Variants in ANGPT1 observed in about 807,000 individuals in gnomAD.
ANGPT1 encodes the protein angiopoietin-1.
Under a neutral mutation model 62.2 loss-of-function variants are expected in ANGPT1, and 17 were observed. That is an observed-to-expected ratio of 0.27 (90% CI 0.19 to 0.41). The LOEUF (loss-of-function observed/expected upper bound fraction) is 0.41, where lower values mean the gene tolerates loss of function less well. Among genes scored for constraint, ANGPT1 ranks in the 10% least tolerant of loss-of-function variants. The probability of loss-of-function intolerance (pLI) is 1.00; values close to 1 mark genes in which losing one functional copy is unlikely to be tolerated. For synonymous variants in ANGPT1, 199 were observed against 198.9 expected (o/e 1.00, Z 0.00); for missense variants, 478 against 594.9 (o/e 0.80, Z 2.04).
At position 107,251,746 on chromosome 8, in the gene ANGPT1, C is replaced by A. The variant is rs1010313021; in HGVS notation, c.*109G>T. On this transcript the variant is annotated 3_prime_UTR_variant, in exon 9 of 9. Transcript: ENST00000517746. ...GACTTCACATAACTACCACTTATTG[C>A]TGGAAGGGAGACAATATTGTTTGCT... 6 of 1,357,276 alleles carry A rather than the reference C, an allele frequency of 4.4e-6. No individual in the cohort carries two copies. Among genetic ancestry groups the A allele is most frequent in the Non-Finnish European group, 6.1e-6 (6 of 988,912 alleles). The allele number at this position is 1,357,276 out of a possible 1,614,324, so 84.1% of individuals were successfully genotyped here.
rs138944951 is a variant in ANGPT1, at chr8:107,344,252, G to A, written c.453+2690C>T. 1.3e-3 allele frequency among the ~76,000 whole-genome samples: 200 copies of A among 152,246 alleles called. 2 individuals carry two copies. Among genetic ancestry groups the A allele is most frequent in the African/African-American group, 4.5e-3 (187 of 41,550 alleles). ...TTCCCCAAAAACCAAATTTGCCTGA[G>A]AAAGAAGTGAGAAATAGAATGACAC... On this transcript the variant is annotated intron_variant, in intron 2 of 8. Coordinates refer to ENST00000517746, the MANE Select transcript of ANGPT1 (RefSeq NM_001146.5).
intron 1 of ANGPT1, among the ~76,000 whole-genome samples, chr8:107,451,838 C>A (rs1384483587): frequency 2.6e-5 from 4 of 151,862 alleles, no homozygotes; most frequent in African/African-American, 7.2e-5. Flanking sequence ...GTTCATTGTG[C>A]TTACCTTTTT....
At chr8:107,436,186 A>T (rs923699618) in intron 1 of ANGPT1, among the ~76,000 whole-genome samples, 1 of 152,214 alleles carries the variant, frequency 6.6e-6, no homozygotes, top group Admixed American at 6.5e-5. Context: ...GGTTAGAGGC[A>T]TGAGCCACAG....
chr8:107,346,901 T>A, intron 2 of ANGPT1, 41 bp downstream of exon 2: 1 of 1,537,508 alleles, frequency 6.5e-7, no homozygotes, highest in Non-Finnish European at 8.8e-7. Flanking sequence ...AAAAAAAAAT[T>A]TTTCCTTGTT....
intron 1 of ANGPT1, among the ~76,000 whole-genome samples, chr8:107,416,976 C>T (rs548488895): frequency 2.2e-4 from 33 of 151,638 alleles, no homozygotes; most frequent in African/African-American, 7.3e-4. Flanking sequence ...TTTTTAGTAG[C>T]GACAGGGTTT....
chr8:107,265,207 A>ATCTTTTGTTTAAAAGGCCTATT (rs1813584715), intron 7 of ANGPT1, among the ~76,000 whole-genome samples: 4 of 152,228 alleles, frequency 2.6e-5, no homozygotes, highest in Admixed American at 2.6e-4. Context: ...AAATCATCTG[A>ATCTTTTGTTTAAAAGGCCTATT]TCTTTTGTTT....
chr8:107,308,023 G>A (rs904158704), intron 4 of ANGPT1, among the ~76,000 whole-genome samples: 1 of 152,076 alleles, frequency 6.6e-6, no homozygotes, highest in African/African-American at 2.4e-5. Flanking sequence ...GACAATTAGA[G>A]TATGGCTTTT....
chr8:107,496,127 C>A (rs1379226296), intron 1 of ANGPT1, among the ~76,000 whole-genome samples: 14 of 152,140 alleles, frequency 9.2e-5, no homozygotes, highest in African/African-American at 3.4e-4. Context: ...AGGGATTGCC[C>A]GGTTAACAGA....
chr8:107,455,106 G>T (rs1048793251), intron 1 of ANGPT1, among the ~76,000 whole-genome samples: 3 of 151,910 alleles, frequency 2.0e-5, no homozygotes, highest in African/African-American at 7.2e-5. Context: ...TCTCTTTCCC[G>T]CTTACTGAGA....
chr8:107,442,243 A>T (rs1360900143), intron 1 of ANGPT1, among the ~76,000 whole-genome samples: 10 of 152,216 alleles, frequency 6.6e-5, no homozygotes, highest in African/African-American at 1.9e-4. Flanking sequence ...GACATCACAA[A>T]ATACTTCTAT....
chr8:107,409,165 T>A (rs1254498439), intron 1 of ANGPT1, among the ~76,000 whole-genome samples: 1 of 152,228 alleles, frequency 6.6e-6, no homozygotes, highest in Non-Finnish European at 1.5e-5. Flanking sequence ...AATATTCTTA[T>A]CTGATGCAAA....
In ANGPT1 at chr8:107,251,656, T is replaced by C. The variant is rs1813250348; in HGVS notation, c.*199A>G. On this transcript the variant is annotated 3_prime_UTR_variant, in exon 9 of 9. Transcript: ENST00000517746. ...TTCTATAGTCGAGCCACGTGAGCAC[T>C]GTCACCCCAAGTAGAGACTCTTGTG... The C allele has an allele frequency of 3.3e-6, 2 of 612,526 alleles. No homozygotes were observed. The highest frequency in any genetic ancestry group is 5.5e-6 in the Non-Finnish European group (2 of 363,546). 37.9% of individuals were successfully genotyped at this position (612,526 alleles called of 1,614,324 possible).
chr8:107,369,894 T>C (rs1465769273), intron 1 of ANGPT1, among the ~76,000 whole-genome samples: 2 of 152,046 alleles, frequency 1.3e-5, no homozygotes, highest in African/African-American at 4.8e-5. Flanking sequence ...TCCCAGCTAC[T>C]TGGGAGACCA....
chr8:107,418,158 T>C (rs1001046861), intron 1 of ANGPT1, among the ~76,000 whole-genome samples: 3 of 152,204 alleles, frequency 2.0e-5, no homozygotes, highest in African/African-American at 4.8e-5. Context: ...GTTTAGACTT[T>C]TTTTATGCCA....
chr8:107,265,922 G>A (rs578077023), intron 7 of ANGPT1, among the ~76,000 whole-genome samples: 1 of 152,188 alleles, frequency 6.6e-6, no homozygotes, highest in East Asian at 1.9e-4. Context: ...ATTATTGGAT[G>A]TTTGTGCAAT....
chr8:107,412,785 C>T (rs1309943610), intron 1 of ANGPT1, among the ~76,000 whole-genome samples: 3 of 152,098 alleles, frequency 2.0e-5, no homozygotes, highest in African/African-American at 7.2e-5. Context: ...CCTCACTTTG[C>T]CTAAGAGTCA....
intron 1 of ANGPT1, among the ~76,000 whole-genome samples, chr8:107,428,015 G>A (rs923453430): frequency 4.6e-5 from 7 of 152,144 alleles, no homozygotes; most frequent in African/African-American, 1.7e-4. Flanking sequence ...AATTGAAGAA[G>A]CCATATTTTG....
At chr8:107,393,434 AT>A (rs1224335085) in intron 1 of ANGPT1, among the ~76,000 whole-genome samples, 2 of 152,210 alleles carry the variant, frequency 1.3e-5, no homozygotes, top group African/African-American at 4.8e-5. Flanking sequence ...TGTGAGTTAT[AT>A]TGTATGCTAA....
chr8:107,366,833 C>T (rs1816283548), intron 1 of ANGPT1, among the ~76,000 whole-genome samples: 1 of 152,130 alleles, frequency 6.6e-6, no homozygotes, highest in Non-Finnish European at 1.5e-5. Flanking sequence ...TCAAATATTG[C>T]ATTGTAAATG....
Sources: gnomAD v4.1 joint callset for allele counts (sites outside exome capture counted in the v4.1 genomes callset) on GRCh38, gnomAD v4.1.1 for gene constraint, MANE v1.5 for transcripts, NCBI Gene and HGNC (gene_info 2026-07-23, HGNC 2026-07-21) for gene names.